CELF6: variants seen among roughly 807,000 people sequenced by gnomAD.
CELF6 encodes the protein Bruno -like 6, RNA binding protein.
In CELF6, 32 loss-of-function variants were observed where a neutral mutation model predicts 53.1. The ratio of observed to expected loss-of-function variants is 0.60; its 90% CI spans 0.46 to 0.81. The LOEUF is 0.81. Ranked by LOEUF, CELF6 falls within the 30% of genes least tolerant of loss-of-function variation. The pLI is 0.00. For missense variants in CELF6, 539 were observed against 669.5 expected, an observed-to-expected ratio of 0.81 and a Z score of 2.15; for synonymous variants, 291 against 288.8, an observed-to-expected ratio of 1.01 and a Z score of -0.08.
intron 1 of CELF6, among the ~76,000 whole-genome samples, chr15:72,318,861 C>A (rs1482919471): frequency 6.6e-6 from 1 of 152,028 alleles, no homozygotes; most frequent in Non-Finnish European, 1.5e-5. Flanking sequence ...GAGAGAAATC[C>A]AAGAAGAAAG....
chr15:72,291,549 G>A (rs1370330928), intron 3 of CELF6, among the ~76,000 whole-genome samples: 1 of 152,154 alleles, frequency 6.6e-6, no homozygotes, highest in African/African-American at 2.4e-5. Flanking sequence ...TCTGAGTGCA[G>A]GGAAAACAAG....
intron 2 of CELF6, chr15:72,306,220 G>T: frequency 1.0e-6 from 1 of 982,696 alleles, no homozygotes; most frequent in Non-Finnish European, 1.2e-6. Flanking sequence ...AGAGCTGGGT[G>T]CGTGGGAGGT....
chr15:72,288,971 G>C lies in CELF6; in HGVS notation c.1031-41C>G. 6.5e-7 allele frequency: 1 copy of C among 1,529,732 alleles called. No individual in the cohort carries two copies. The highest frequency in any genetic ancestry group is 8.8e-7 in the Non-Finnish European group (1 of 1,129,948). The allele number at this position is 1,529,732 out of a possible 1,614,324, so 94.8% of individuals were successfully genotyped here. A position where few individuals can be genotyped will look rare whatever the true frequency, so the allele number is the denominator to read the frequency against. ...CGCGAGGCCCACAGTGAAGGCAAGCGGGCGAGCAGAGTGGGTGAGAAGCTC... is the reference window on the plus strand; with the variant it reads ...CGCGAGGCCCACAGTGAAGGCAAGCCGGCGAGCAGAGTGGGTGAGAAGCTC... On this transcript the variant is annotated intron_variant, in intron 8 of 12. Coordinates refer to ENST00000287202, the MANE Select transcript of CELF6 (RefSeq NM_052840.5). The surrounding 1 kb of genome is among the most constrained non-coding windows in gnomAD (Gnocchi z 4.6).
Position 72,291,670 on chromosome 15 carries a change from T to C in CELF6, c.395-1415A>G, listed in dbSNP as rs1206271600. On this transcript the variant is annotated intron_variant, in intron 3 of 12. Coordinates refer to ENST00000287202, the MANE Select transcript of CELF6 (RefSeq NM_052840.5). The stretch of plus-strand genomic sequence containing the variant: ...AATCTCCAACAAGACTATGTGTGTG[T>C]CCATATGTCACCCGGGTGGTGTGGG... Among the ~76,000 whole-genome samples the C allele has an allele frequency of 3.9e-5, 6 of 152,196 alleles. No individual in the cohort carries two copies. The East Asian group carries it at 1.2e-3, about 29-fold the overall frequency.
rs1012627590 is a variant in CELF6, at chr15:72,299,607, C to T, written c.394+5139G>A. Reference sequence around the variant, plus strand: ...AACTCCTGAGCTCAGCCAATCCACCCGCCTCGGCCTCCCAAAATGCTAGGA... The same window carrying T: ...AACTCCTGAGCTCAGCCAATCCACCTGCCTCGGCCTCCCAAAATGCTAGGA... On this transcript the variant is annotated intron_variant, in intron 3 of 12. Coordinates refer to ENST00000287202, the MANE Select transcript of CELF6 (RefSeq NM_052840.5). 7.2e-5 allele frequency among the ~76,000 whole-genome samples: 11 copies of T among 152,200 alleles called. No homozygotes were observed. In the East Asian group the frequency reaches 9.7e-4, roughly 13 times the overall value.
rs1315264538 is a variant in CELF6 at position 72,295,259 on chromosome 15, TG to T, written c.395-5005del. Among the ~76,000 whole-genome samples, 3 of 151,788 alleles carry T rather than the reference TG, an allele frequency of 2.0e-5. No individual in the cohort carries two copies. The East Asian group carries it at 5.8e-4, about 29-fold the overall frequency. On this transcript the variant is annotated intron_variant, in intron 3 of 12. Transcript: ENST00000287202. The stretch of plus-strand genomic sequence containing the variant: ...CTGAGGCAGGAGAATCGCTTGAACC[TG>T]GGAGGTGGAGGTTTGCAGTGAGCCG...
intron 3 of CELF6, among the ~76,000 whole-genome samples, chr15:72,302,452 T>C (rs1158308695): frequency 6.6e-6 from 1 of 152,202 alleles, no homozygotes. Context: ...TTTAAACAGG[T>C]GTATAGGTGG....
intron 2 of CELF6, among the ~76,000 whole-genome samples, chr15:72,307,232 G>A (rs565960623): frequency 8.7e-4 from 132 of 152,166 alleles, no homozygotes; most frequent in Non-Finnish European, 1.5e-3. Flanking sequence ...TCTGGGGGAC[G>A]CCACCTTCTC....
In CELF6 at chr15:72,285,026, G is replaced by C. The variant is rs2087904631; in HGVS notation, c.*1345C>G. On this transcript the variant is annotated 3_prime_UTR_variant, in exon 13 of 13. Transcript: ENST00000287202. ...TGAATCTTTTGCCCATCTCACAGAA[G>C]CAGGCAGGAAGCACCACCATTGATC... is the stretch of plus-strand genomic sequence containing the variant. 6.5e-6 allele frequency: 1 copy of C among 152,752 alleles called. No individual in the cohort carries two copies. Among genetic ancestry groups the C allele is most frequent in the African/African-American group, 2.4e-5 (1 of 41,456 alleles). The allele number at this position is 152,752 out of a possible 1,614,324, so 9.5% of individuals were successfully genotyped here.
chr15:72,297,868 C>T (rs183323917), intron 3 of CELF6, among the ~76,000 whole-genome samples: 242 of 152,308 alleles, frequency 1.6e-3, no homozygotes, highest in Non-Finnish European at 2.6e-3. Flanking sequence ...AGTGTTATGA[C>T]AATCAGCTTT....
chr15:72,311,241 T>C (rs995426572), intron 2 of CELF6, among the ~76,000 whole-genome samples: 6 of 151,128 alleles, frequency 4.0e-5, no homozygotes, highest in Non-Finnish European at 7.4e-5. Flanking sequence ...CCTCAAGTGA[T>C]CCGCCCGCCT....
intron 3 of CELF6, among the ~76,000 whole-genome samples, chr15:72,298,862 T>A (rs1033509264): frequency 6.6e-6 from 1 of 152,146 alleles, no homozygotes; most frequent in Non-Finnish European, 1.5e-5. Flanking sequence ...TCTGAGGGAT[T>A]TGGGGATCCT....
At chr15:72,290,074 T>C in intron 4 of CELF6, 53 bp downstream of exon 4, 1 of 1,613,234 alleles carries the variant, frequency 6.2e-7, no homozygotes, top group Non-Finnish European at 8.5e-7. Flanking sequence ...AAGAGTTATG[T>C]GGCCCAGAGT....
chr15:72,288,355 G>C lies in CELF6; in HGVS notation c.1271C>G (p.Ser424Cys). 1 of 1,614,212 alleles carries C rather than the reference G, an allele frequency of 6.2e-7. No individual in the cohort carries two copies. The highest frequency in any genetic ancestry group is 8.5e-7 in the Non-Finnish European group (1 of 1,180,024). Reference protein sequence around the residue: ...QTFLPFGAVVSAKVFVDRATN... With the variant: ...QTFLPFGAVVCAKVFVDRATN... ...GGCTCGATCCACAAAGACTTTAGCA[G>C]AGACAACGGCTCCAAAGGGCAGGAA... Residue 424 changes from serine to cysteine, a missense_variant, in exon 11 of 13, where the codon TCT becomes TGT. Coordinates refer to ENST00000287202, the MANE Select transcript of CELF6 (RefSeq NM_052840.5). The surrounding 1 kb of genome is among the most constrained non-coding windows in gnomAD (Gnocchi z 4.6).
intron 12 of CELF6, 144 bp downstream of exon 12, chr15:72,287,093 G>A: frequency 1.5e-6 from 1 of 671,044 alleles, no homozygotes; most frequent in South Asian, 2.0e-5. Context: ...CTCCATCTGA[G>A]GTTTCCTCCT....
At chr15:72,309,529 C>G (rs1330109418) in intron 2 of CELF6, among the ~76,000 whole-genome samples, 4 of 152,010 alleles carry the variant, frequency 2.6e-5, no homozygotes, top group African/African-American at 9.7e-5. Context: ...ACAAGGAAGT[C>G]CCCAGGGGAG....
chr15:72,299,426 C>G (rs2088123450), intron 3 of CELF6, among the ~76,000 whole-genome samples: 1 of 141,554 alleles, frequency 7.1e-6, no homozygotes, highest in South Asian at 2.3e-4. Flanking sequence ...GTGGCATGAT[C>G]TCGGCTCACT....
chr15:72,296,833 C>T (rs1369143642), intron 3 of CELF6, among the ~76,000 whole-genome samples: 1 of 152,192 alleles, frequency 6.6e-6, no homozygotes, highest in East Asian at 1.9e-4. Context: ...AATTGGAACT[C>T]TTGCACACTG....
At chr15:72,300,781 T>C (rs369495495) in intron 3 of CELF6, among the ~76,000 whole-genome samples, 2 of 150,552 alleles carry the variant, frequency 1.3e-5, no homozygotes, top group East Asian at 2.0e-4. Flanking sequence ...TTGCGTTGAG[T>C]GGAGATGGCG....
Sources: allele counts gnomAD v4.1 joint callset (sites outside exome capture counted in the v4.1 genomes callset), GRCh38; gene constraint gnomAD v4.1.1; non-coding constraint Gnocchi (gnomAD v3.1); transcripts MANE v1.5; gene names NCBI Gene and HGNC (gene_info 2026-07-23, HGNC 2026-07-21).